The following PPP2R2C variants were observed in gnomAD, a reference collection of about 807,000 sequenced individuals.
The protein encoded by PPP2R2C is protein phosphatase 2 regulatory subunit Bgamma.
A neutral mutation model predicts 45.3 loss-of-function variants in PPP2R2C; 10 were observed. The observed-to-expected ratio is 0.22, with a 90% CI of 0.14 to 0.37. The LOEUF is 0.37. Among genes scored for constraint, PPP2R2C ranks in the 10% least tolerant of loss-of-function variants. The pLI is 1.00. For synonymous variants in PPP2R2C, 257 were observed against 245.4 expected (o/e 1.05, Z -0.44); for missense variants, 308 against 619.7 (o/e 0.50, Z 5.34).
At chr4:6,432,665 T>C (rs867962022) in intron 1 of PPP2R2C, among the ~76,000 whole-genome samples, 6 of 152,222 alleles carry the variant, frequency 3.9e-5, no homozygotes, top group African/African-American at 1.4e-4. Flanking sequence ...TTTCTATTTC[T>C]GTACATAACA....
intron 2 of PPP2R2C, among the ~76,000 whole-genome samples, chr4:6,520,606 A>T (rs1394142734): frequency 6.6e-6 from 1 of 152,242 alleles, no homozygotes; most frequent in African/African-American, 2.4e-5. Context: ...TTCAAGTCCA[A>T]GGGGTGTATG....
chr4:6,498,288 C>G (rs1205313291), intron 2 of PPP2R2C, among the ~76,000 whole-genome samples: 2 of 152,128 alleles, frequency 1.3e-5, no homozygotes, highest in South Asian at 2.1e-4. Flanking sequence ...TGGTTTAAGC[C>G]TATATCTTTG....
intron 2 of PPP2R2C, among the ~76,000 whole-genome samples, chr4:6,507,656 T>C (rs1723284260): frequency 6.6e-6 from 1 of 152,230 alleles, no homozygotes; most frequent in African/African-American, 2.4e-5. Context: ...GAAGAACCAC[T>C]AGCTAAGCCT....
At chr4:6,462,132 G>A (rs140051967) in intron 1 of PPP2R2C, among the ~76,000 whole-genome samples, 3 of 152,342 alleles carry the variant, frequency 2.0e-5, no homozygotes, top group East Asian at 1.9e-4. Flanking sequence ...CCCCAAGGCC[G>A]ATGCCCAGGT....
intron 1 of PPP2R2C, among the ~76,000 whole-genome samples, chr4:6,410,782 C>T (rs1718118076): frequency 6.6e-6 from 1 of 152,232 alleles, no homozygotes; most frequent in South Asian, 2.1e-4. Context: ...CCTTCATGAA[C>T]ATTGATCTCA....
rs966561017 is a variant in PPP2R2C at position 6,331,162 on chromosome 4, T to C, written c.961-1809A>G. ...CCTCCTTACTCAGCTCCCAGCAGCCTTGGTGATGCACGCGTCCAAATGCGC... is the reference window on the plus strand; with the variant it reads ...CCTCCTTACTCAGCTCCCAGCAGCCCTGGTGATGCACGCGTCCAAATGCGC... On this transcript the variant is annotated intron_variant, in intron 7 of 8. Transcript: ENST00000382599. The surrounding 1 kb of genome is among the most constrained non-coding windows in gnomAD (Gnocchi z 5.9). 6.6e-6 allele frequency among the ~76,000 whole-genome samples: 1 copy of C among 152,196 alleles called. No homozygotes were observed. Among genetic ancestry groups the C allele is most frequent in the Non-Finnish European group, 1.5e-5 (1 of 68,034 alleles).
At chr4:6,375,424 G>A (rs947538566) in intron 4 of PPP2R2C, among the ~76,000 whole-genome samples, 20 of 152,116 alleles carry the variant, frequency 1.3e-4, no homozygotes, top group Non-Finnish European at 1.5e-5. Context: ...GAGCCACAAA[G>A]CTCTGCTGAC....
chr4:6,374,096 AC>A (rs1229350043), intron 4 of PPP2R2C, among the ~76,000 whole-genome samples: 2 of 151,822 alleles, frequency 1.3e-5, no homozygotes, highest in Non-Finnish European at 2.9e-5. Context: ...TATGCTGCTA[AC>A]CTTCCCTTCC....
intron 1 of PPP2R2C, among the ~76,000 whole-genome samples, chr4:6,412,910 C>G (rs1198153107): frequency 6.6e-6 from 1 of 152,192 alleles, no homozygotes; most frequent in African/African-American, 2.4e-5. Context: ...GTGAACCAGG[C>G]ATACGGCCTT....
upstream of PPP2R2C, among the ~76,000 whole-genome samples, chr4:6,473,863 T>C (rs928957792): frequency 6.6e-6 from 1 of 152,170 alleles, no homozygotes; most frequent in East Asian, 1.9e-4. Context: ...ATCCCCAGAA[T>C]GGACCTATGA....
Position 6,372,504 on chromosome 4 carries a change from A to G in PPP2R2C, c.625+19T>C. 8 of 1,486,246 alleles carry G rather than the reference A, an allele frequency of 5.4e-6. No individual in the cohort carries two copies. The highest frequency in any genetic ancestry group is 7.2e-6 in the Non-Finnish European group (8 of 1,114,188). 92.1% of individuals were successfully genotyped at this position (1,486,246 alleles called of 1,614,324 possible). On this transcript the variant is annotated intron_variant, in intron 5 of 8. Coordinates refer to ENST00000382599, the MANE Select transcript of PPP2R2C (RefSeq NM_020416.4). ...ACTCTGCCCGTGGGAGGCACTGGCC[A>G]GGCCACAGTGAAGGATACTGAAGCT...
chr4:6,545,247 A>G (rs992000630), intron 1 of PPP2R2C, among the ~76,000 whole-genome samples: 1 of 152,256 alleles, frequency 6.6e-6, no homozygotes, highest in Admixed American at 6.5e-5. Flanking sequence ...CAGTATTTCA[A>G]CAACTGCCTA....
At chr4:6,519,722 G>C (rs1369532527) in intron 2 of PPP2R2C, among the ~76,000 whole-genome samples, 2 of 152,256 alleles carry the variant, frequency 1.3e-5, no homozygotes, top group African/African-American at 2.4e-5. Flanking sequence ...AACAGGGAGA[G>C]GGTGGGAGAT....
In PPP2R2C at chr4:6,345,939, C is replaced by T. The variant is rs1476045426; in HGVS notation, c.790+1907G>A. On this transcript the variant is annotated intron_variant, in intron 6 of 8. Coordinates refer to ENST00000382599, the MANE Select transcript of PPP2R2C (RefSeq NM_020416.4). The surrounding 1 kb of genome is among the most constrained non-coding windows in gnomAD (Gnocchi z 5.3). Reference sequence around the variant, plus strand: ...CCTACTCGACCCATTTCCTTGGAACCCAATACGGGCCTCAGGCTCGCGGGT... The same window carrying T: ...CCTACTCGACCCATTTCCTTGGAACTCAATACGGGCCTCAGGCTCGCGGGT... 2.0e-5 allele frequency among the ~76,000 whole-genome samples: 3 copies of T among 152,162 alleles called. No homozygotes were observed. Among genetic ancestry groups the T allele is most frequent in the African/African-American group, 7.2e-5 (3 of 41,438 alleles).
Position 6,333,709 on chromosome 4 carries a change from G to A in PPP2R2C, c.813C>T (p.Pro271=). Residue 271 remains proline, a synonymous_variant, in exon 7 of 9, where the codon CCC becomes CCT. Transcript: ENST00000382599. The part of the protein sequence containing the change: ...HSKLFEEPED[P]SNRSFFSEII... The stretch of plus-strand genomic sequence containing the variant: ...TTTCCGAGAAGAATGAGCGGTTACT[G>A]GGGTCCTCAGGCTCTTCAAAGACTG... The A allele has an allele frequency of 6.2e-7, 1 of 1,614,122 alleles. No individual in the cohort carries two copies.
intron 2 of PPP2R2C, among the ~76,000 whole-genome samples, chr4:6,380,621 A>G (rs1715704617): frequency 6.6e-6 from 1 of 152,152 alleles, no homozygotes; most frequent in Non-Finnish European, 1.5e-5. Context: ...CTGACCATTC[A>G]TCCAGGGTCT....
chr4:6,512,653 A>ATGGTGGTGGTGG (rs79384701), intron 2 of PPP2R2C, among the ~76,000 whole-genome samples: 17 of 123,738 alleles, frequency 1.4e-4, no homozygotes, highest in African/African-American at 4.6e-4. Flanking sequence ...GATGGTGCTG[A>ATGGTGGTGGTGG]TGGTGGTGGT....
chr4:6,525,658 C>G lies in PPP2R2C; in HGVS notation c.49+9613G>C, dbSNP rs116506275. Reference sequence around the variant, plus strand: ...TTGCCCTACTGCTGATTCCAACCAACCACTCAGGGCTGCCCCTTTCTTTTT... The same window carrying G: ...TTGCCCTACTGCTGATTCCAACCAAGCACTCAGGGCTGCCCCTTTCTTTTT... On this transcript the variant is annotated intron_variant, in intron 2 of 9. Coordinates refer to the PPP2R2C transcript ENST00000506140. Among the ~76,000 whole-genome samples, 1,045 of 152,264 alleles carry G rather than the reference C, an allele frequency of 6.9e-3. 15 individuals carry two copies. The highest frequency in any genetic ancestry group is 0.024 in the African/African-American group (1,001 of 41,552).
intron 1 of PPP2R2C, among the ~76,000 whole-genome samples, chr4:6,389,066 C>T (rs940094604): frequency 6.6e-6 from 1 of 152,170 alleles, no homozygotes; most frequent in Non-Finnish European, 1.5e-5. Flanking sequence ...CGTGGTAATC[C>T]AGTCCCAGCC....
Sources: gnomAD v4.1 joint callset for allele counts (sites outside exome capture counted in the v4.1 genomes callset) on GRCh38, gnomAD v4.1.1 for gene constraint, Gnocchi (gnomAD v3.1) non-coding constraint, MANE v1.5 for transcripts, NCBI Gene and HGNC (gene_info 2026-07-23, HGNC 2026-07-21) for gene names.